GK2: variants seen among roughly 807,000 people sequenced by gnomAD.
The protein encoded by GK2 is glycerol kinase 2.
GK2 carries 10 observed loss-of-function variants against 9.5 expected under a neutral mutation model. That is an observed-to-expected ratio of 1.05 (90% confidence interval 0.65 to 1.78). The LOEUF (loss-of-function observed/expected upper bound fraction) is 1.78. GK2 is among the 40% of genes most tolerant of loss of function. The probability of loss-of-function intolerance (pLI) is 0.00; values close to 1 mark genes in which losing one functional copy is unlikely to be tolerated. For synonymous variants in GK2, 228 were observed against 229.9 expected (o/e 0.99, Z 0.07); for missense variants, 643 against 669.0 (o/e 0.96, Z 0.43).
In GK2 at chr4:79,407,783, T is replaced by C; in HGVS notation, c.418A>G (p.Lys140Glu). Residue 140 changes from lysine to glutamate, a missense_variant, in exon 1 of 1, where the codon AAG (lysine) becomes GAG (glutamate). Transcript: ENST00000358842. ...TAAGTGCTGAGTGGAAGGCCTGTCT[T>C]AGACTTGACGAAGTTACTATTTCCT... is the stretch of plus-strand genomic sequence containing the variant. ...IPGNSNFVKS[K>E]TGLPLSTYFS... is the part of the protein sequence containing the mutation. 2 of 1,614,184 alleles carry C rather than the reference T, an allele frequency of 1.2e-6. No individual in the cohort carries two copies. Among genetic ancestry groups the C allele is most frequent in the Non-Finnish European group, 1.7e-6 (2 of 1,180,024 alleles).
Position 79,406,754 on chromosome 4 carries a change from T to C in GK2, c.1447A>G (p.Arg483Gly). Residue 483 changes from arginine (R) to glycine (G), a missense_variant, in exon 1 of 1, where the codon AGG (arginine) becomes GGG (glycine). Transcript: ENST00000358842. The stretch of plus-strand genomic sequence containing the variant: ...ATCTGTGGTTCAAATCGTTCCATCC[T>C]GAGAACTGACAAAGCCTGGGGTTCA... ...SLEPQALSVL[R>G]MERFEPQIQA... The C allele has an allele frequency of 6.2e-7, 1 of 1,614,230 alleles. No homozygotes were observed. Among genetic ancestry groups the C allele is most frequent in the Non-Finnish European group, 8.5e-7 (1 of 1,180,044 alleles).
In GK2 at chr4:79,406,871, T is replaced by C. The variant is rs762822419; in HGVS notation, c.1330A>G (p.Ile444Val). Residue 444 changes from isoleucine to valine, a missense_variant, in exon 1 of 1, where the codon ATT becomes GTT. Coordinates refer to ENST00000358842, the MANE Select transcript of GK2 (RefSeq NM_033214.3). ...GGCATAAAGGGTTTTATTACTGGAATATGAAGAATATCTGCTTGTAGCTGC... is the reference window on the plus strand; with the variant it reads ...GGCATAAAGGGTTTTATTACTGGAACATGAAGAATATCTGCTTGTAGCTGC... Reference protein sequence around the residue: ...LMQLQADILHIPVIKPFMPET... With the variant: ...LMQLQADILHVPVIKPFMPET... 1.2e-6 allele frequency: 2 copies of C among 1,614,200 alleles called. No homozygotes were observed. The highest frequency in any genetic ancestry group is 3.3e-5 in the Admixed American group (2 of 60,034).
At position 79,407,566 on chromosome 4, in the gene GK2, G is replaced by T. The variant is rs1190075243; in HGVS notation, c.635C>A (p.Ser212Tyr). Residue 212 changes from serine to tyrosine, a missense_variant, in exon 1 of 1, where the codon TCT becomes TAT. By Grantham distance (144) the Ser-to-Tyr change is moderately radical (BLOSUM62 -2). Coordinates refer to ENST00000358842, the MANE Select transcript of GK2 (RefSeq NM_033214.3). Reference sequence around the variant, plus strand: ...ACAGAGCTCTTTATCCCATTCCAAAGAATGGATATTAAAAAGCATTGTCCT... The same window carrying T: ...ACAGAGCTCTTTATCCCATTCCAAATAATGGATATTAAAAAGCATTGTCCT... ...ASRTMLFNIH[S>Y]LEWDKELCDF... The T allele has an allele frequency of 4.3e-6, 7 of 1,614,134 alleles. No individual in the cohort carries two copies. The highest frequency in any genetic ancestry group is 5.9e-6 in the Non-Finnish European group (7 of 1,179,980).
In GK2 at chr4:79,406,600, A is replaced by G. The variant is rs1196321048; in HGVS notation, c.1601T>C (p.Phe534Ser). The G allele has an allele frequency of 6.2e-7, 1 of 1,614,092 alleles. No homozygotes were observed. Among genetic ancestry groups the G allele is most frequent in the Non-Finnish European group, 8.5e-7 (1 of 1,179,928 alleles). Residue 534 changes from phenylalanine to serine, a missense_variant, in exon 1 of 1, where the codon TTT becomes TCT. Transcript: ENST00000358842. The stretch of plus-strand genomic sequence containing the variant: ...CATTACCATGCTACTCACTATAAAA[A>G]ATCCCAAAGGCAGACTAGAGAAGAT... ...PSIFSSLPLG[F>S]FIVSSMVMLI...
chr4:79,407,591 T>G lies in GK2; in HGVS notation c.610A>C (p.Arg204=), dbSNP rs1725884128. Residue 204 remains arginine (R), a synonymous_variant, in exon 1 of 1, where the codon AGG becomes CGG. Transcript: ENST00000358842. ...VHCTDVTNAS[R]TMLFNIHSLE... ...GAATGGATATTAAAAAGCATTGTCC[T>G]ACTTGCATTTGTTACATCTGTACAA... The G allele has an allele frequency of 6.2e-7, 1 of 1,614,026 alleles. No individual in the cohort carries two copies. The highest frequency in any genetic ancestry group is 1.3e-5 in the African/African-American group (1 of 74,934).
Position 79,407,621 on chromosome 4 carries a change from C to T in GK2, c.580G>A (p.Val194Met), listed in dbSNP as rs1384207163. The change falls in exon 1 of 1, where the codon GTG becomes ATG. Residue 194 changes from valine (V) to methionine (M), a missense_variant. Val to Met is a conservative substitution (Grantham distance 21). Transcript: ENST00000358842. ...GCATTTGTTACATCTGTACAATGCA[C>T]GCCTCCATTAACTCCTCCTGTCAAA... ...WSLTGGVNGG[V>M]HCTDVTNASR... is the part of the protein sequence containing the mutation. The T allele has an allele frequency of 8.1e-6, 13 of 1,613,718 alleles. No homozygotes were observed. The highest frequency in any genetic ancestry group is 1.3e-5 in the African/African-American group (1 of 74,904).
chr4:79,407,051 T>G lies in GK2; in HGVS notation c.1150A>C (p.Thr384Pro). ...ATATGACATTTATTGGTAAACTGAG[T>G]GAGGCCACAGAGTATCCCTCTTGCA... Reference protein sequence around the residue: ...PSARGILCGLTQFTNKCHIAF... With the variant: ...PSARGILCGLPQFTNKCHIAF... Residue 384 changes from threonine to proline, a missense_variant, in exon 1 of 1, where the codon ACT becomes CCT. Physicochemically the swap from Thr to Pro is conservative, Grantham distance 38. Transcript: ENST00000358842. 6 of 1,614,126 alleles carry G rather than the reference T, an allele frequency of 3.7e-6. No homozygotes were observed. Among genetic ancestry groups the G allele is most frequent in the Non-Finnish European group, 5.1e-6 (6 of 1,180,016 alleles).
rs370305280 is a variant in GK2 at position 79,407,826 on chromosome 4, A to G, written c.375T>C (p.Asp125=). ...TATTTCCTGGAATTTTTTTACTAAG[A>G]TCCTCAACAGTAGTCTGGGTTCTTA... ...LDLRTQTTVE[D]LSKKIPGNSN... Residue 125 remains aspartate, a synonymous_variant, in exon 1 of 1, where the codon GAT becomes GAC. Transcript: ENST00000358842. 4 of 1,614,152 alleles carry G rather than the reference A, an allele frequency of 2.5e-6. No individual in the cohort carries two copies. In the South Asian group the frequency reaches 4.4e-5, roughly 18 times the overall value.
rs773092299 is a variant in GK2 at position 79,407,118 on chromosome 4, G to A, written c.1083C>T (p.Val361=). The change falls in exon 1 of 1, where the codon GTC becomes GTT. Residue 361 remains valine (V), a synonymous_variant. Transcript: ENST00000358842. ...GTGCATATAACCCTGAAAAGGCTGG[G>A]ACAAAGTAACAGCCATAAGAAGTTC... ...EVGTSYGCYF[V]PAFSGLYAPY... is the part of the protein sequence containing the mutation. 3 of 1,613,878 alleles carry A rather than the reference G, an allele frequency of 1.9e-6. No individual in the cohort carries two copies. Among genetic ancestry groups the A allele is most frequent in the Admixed American group, 1.7e-5 (1 of 60,028 alleles).
chr4:79,407,402 G>T lies in GK2; in HGVS notation c.799C>A (p.Gln267Lys), dbSNP rs201459558. Residue 267 changes from glutamine to lysine, a missense_variant, in exon 1 of 1, where the codon CAA (glutamine) becomes AAA (lysine). Transcript: ENST00000358842. ...GCTTGTCCCTCCTGGAAGCACATTTGTCCTACTAATGCAGCACATTGGTCC... is the reference window on the plus strand; with the variant it reads ...GCTTGTCCCTCCTGGAAGCACATTTTTCCTACTAATGCAGCACATTGGTCC... Reference protein sequence around the residue: ...LGDQCAALVGQMCFQEGQAKN... With the variant: ...LGDQCAALVGKMCFQEGQAKN... 137 of 1,613,980 alleles carry T rather than the reference G, an allele frequency of 8.5e-5. No homozygotes were observed. The highest frequency in any genetic ancestry group is 1.1e-4 in the Non-Finnish European group (126 of 1,180,044).
rs1019557636 is a variant in GK2, at chr4:79,407,860, C to T, written c.341G>A (p.Trp114Ter). 6.2e-7 allele frequency: 1 copy of T among 1,614,124 alleles called. No homozygotes were observed. Among genetic ancestry groups the T allele is most frequent in the Non-Finnish European group, 8.5e-7 (1 of 1,180,002 alleles). The change falls in exon 1 of 1, where the codon TGG becomes TAG. Residue 114 changes from tryptophan to a stop codon, truncating the protein, a stop_gained. Coordinates refer to ENST00000358842, the MANE Select transcript of GK2 (RefSeq NM_033214.3). LOFTEE classifies it low-confidence loss of function (END_TRUNC). ...TGEPLYNAVVWLDLRTQTTVE... is the reference protein window; with the variant it reads ...TGEPLYNAVV ...AGTAGTCTGGGTTCTTAGATCAAGC[C>T]ACACCACAGCATTGTAGAGAGGCTC...
Position 79,406,698 on chromosome 4 carries a change from G to A in GK2, c.1503C>T (p.Ala501=), listed in dbSNP as rs1422159797. The A allele has an allele frequency of 6.2e-7, 1 of 1,614,140 alleles. No individual in the cohort carries two copies. The highest frequency in any genetic ancestry group is 8.5e-7 in the Non-Finnish European group (1 of 1,180,006). The part of the protein sequence containing the change: ...IQATESEIRY[A]TWKKAVMKSM... ...ACTTCATTACGGCTTTCTTCCATGT[G>A]GCATAACGAATTTCACTTTCTGTGG... Residue 501 remains alanine (A), a synonymous_variant, in exon 1 of 1, where the codon GCC becomes GCT. Coordinates refer to ENST00000358842, the MANE Select transcript of GK2 (RefSeq NM_033214.3).
Position 79,407,763 on chromosome 4 carries a change from G to A in GK2, c.438C>T (p.Ser146=). 1 of 1,614,098 alleles carries A rather than the reference G, an allele frequency of 6.2e-7. No homozygotes were observed. The highest frequency in any genetic ancestry group is 1.1e-5 in the South Asian group (1 of 91,076). ...FVKSKTGLPL[S]TYFSAVKLRW... ...GAAGTTTTACTGCACTGAAGTAAGTGCTGAGTGGAAGGCCTGTCTTAGACT... is the reference window on the plus strand; with the variant it reads ...GAAGTTTTACTGCACTGAAGTAAGTACTGAGTGGAAGGCCTGTCTTAGACT... Residue 146 remains serine (S), a synonymous_variant, in exon 1 of 1, where the codon AGC becomes AGT. Transcript: ENST00000358842.
rs1725872004 is a variant in GK2 at position 79,407,123 on chromosome 4, A to G, written c.1078T>C (p.Phe360Leu). ...KEVGTSYGCYFVPAFSGLYAP... is the reference protein window; with the variant it reads ...KEVGTSYGCYLVPAFSGLYAP... ...TATAACCCTGAAAAGGCTGGGACAA[A>G]GTAACAGCCATAAGAAGTTCCTACT... Residue 360 changes from phenylalanine (F) to leucine (L), a missense_variant, in exon 1 of 1, where the codon TTT becomes CTT. Coordinates refer to ENST00000358842, the MANE Select transcript of GK2 (RefSeq NM_033214.3). 1.2e-6 allele frequency: 2 copies of G among 1,613,844 alleles called. No individual in the cohort carries two copies. Among genetic ancestry groups the G allele is most frequent in the Admixed American group, 1.7e-5 (1 of 60,004 alleles).
Position 79,406,833 on chromosome 4 carries a change from T to C in GK2, c.1368A>G (p.Ala456=), listed in dbSNP as rs140906914. The C allele has an allele frequency of 4.9e-4, 790 of 1,614,106 alleles. 1 individual carries two copies. The highest frequency in any genetic ancestry group is 6.0e-4 in the Non-Finnish European group (710 of 1,180,040). ...VIKPFMPETT[A]LGAAMAAGAA... ...CCCCTGCTGCCATGGCAGCTCCTAGTGCAGTTGTTTCAGGCATAAAGGGTT... is the reference window on the plus strand; with the variant it reads ...CCCCTGCTGCCATGGCAGCTCCTAGCGCAGTTGTTTCAGGCATAAAGGGTT... Residue 456 remains alanine, a synonymous_variant, in exon 1 of 1, where the codon GCA becomes GCG. Transcript: ENST00000358842.
chr4:79,406,481 T>G lies in GK2; in HGVS notation c.*58A>C. 1 of 1,003,362 alleles carries G rather than the reference T, an allele frequency of 1.0e-6. No individual in the cohort carries two copies. The highest frequency in any genetic ancestry group is 2.1e-5 in the Admixed American group (1 of 47,272). 62.2% of individuals were successfully genotyped at this position (1,003,362 alleles called of 1,614,324 possible). On this transcript the variant is annotated 3_prime_UTR_variant, in exon 1 of 1. Coordinates refer to ENST00000358842, the MANE Select transcript of GK2 (RefSeq NM_033214.3). ...GTGTCATTATATTAAGAGGCAGAAC[T>G]GCTATATGCTTTCATTATGTAAAAT...
rs1010192507 is a variant in GK2, at chr4:79,408,148, T to C, written c.53A>G (p.Gln18Arg). The C allele has an allele frequency of 1.2e-6, 2 of 1,612,134 alleles. No individual in the cohort carries two copies. Among genetic ancestry groups the C allele is most frequent in the Non-Finnish European group, 1.7e-6 (2 of 1,178,900 alleles). ...AVGPLVGAVV[Q>R]GTNSTRFLVF... is the part of the protein sequence containing the mutation. ...CAGAAAGCGAGTGGAGTTGGTGCCC[T>C]GGACCACCGCTCCCACCAACGGCCC... Residue 18 changes from glutamine (Q) to arginine (R), a missense_variant, in exon 1 of 1, where the codon CAG (glutamine) becomes CGG (arginine). By Grantham distance (43) the Gln-to-Arg change is conservative. Coordinates refer to ENST00000358842, the MANE Select transcript of GK2 (RefSeq NM_033214.3).
rs149134428 is a variant in GK2, at chr4:79,407,972, C to T, written c.229G>A (p.Glu77Lys). ...CIARTCEKLD[E>K]LNIDISNIKA... ...ATGTTGGATATATCAATATTCAGTT[C>T]GTCAAGTTTCTCACACGTTCTCGCT... Residue 77 changes from glutamate to lysine, a missense_variant, in exon 1 of 1, where the codon GAA (glutamate) becomes AAA (lysine). Transcript: ENST00000358842. The T allele has an allele frequency of 2.5e-6, 4 of 1,614,022 alleles. No homozygotes were observed. The highest frequency in any genetic ancestry group is 2.2e-5 in the East Asian group (1 of 44,878).
Position 79,406,947 on chromosome 4 carries a change from T to G in GK2, c.1254A>C (p.Pro418=). 6.2e-7 allele frequency: 1 copy of G among 1,614,200 alleles called. No individual in the cohort carries two copies. Among genetic ancestry groups the G allele is most frequent in the Non-Finnish European group, 8.5e-7 (1 of 1,180,032 alleles). ...CTCCATCTACCTGCAAATGACGAAG[T>G]GGAATTCCACAGTCACGGTTCATGG... ...LEAMNRDCGI[P]LRHLQVDGGM... Residue 418 remains proline, a synonymous_variant, in exon 1 of 1, where the codon CCA becomes CCC. Transcript: ENST00000358842.
Sources: gnomAD v4.1 joint callset for allele counts on GRCh38, gnomAD v4.1.1 for gene constraint, MANE v1.5 for transcripts, NCBI Gene and HGNC (gene_info 2026-07-23, HGNC 2026-07-21) for gene names.